Variants in U2SURP observed in about 807,000 individuals in gnomAD.
U2SURP encodes the protein U2 snRNP-associated SURP motif-containing protein.
A neutral mutation model predicts 144.9 loss-of-function variants in U2SURP; 9 were observed. The ratio of observed to expected loss-of-function variants is 0.06; its 90% CI spans 0.04 to 0.11. U2SURP has a LOEUF of 0.11. Among genes scored for constraint, U2SURP ranks in the 10% least tolerant of loss-of-function variants. U2SURP has a pLI of 1.00. For missense variants in U2SURP, 724 were observed against 1,226.7 expected (o/e 0.59, Z 6.12); for synonymous variants, 408 against 396.8 (o/e 1.03, Z -0.33).
chr3:143,010,748 C>A, intron 1 of U2SURP, 67 bp from the exon 2 acceptor site: 2 of 1,273,690 alleles, frequency 1.6e-6, no homozygotes, highest in Non-Finnish European at 2.2e-6. Context: ...GTTTGTATAA[C>A]ACGAGAGACA....
intron 26 of U2SURP, 29 bp downstream of exon 26, chr3:143,053,823 A>G (rs534990975): frequency 1.3e-6 from 2 of 1,526,666 alleles, no homozygotes; most frequent in East Asian, 2.3e-5. Context: ...TTAATTGCAT[A>G]TACTGGTTTC....
chr3:143,001,659 A>G lies in U2SURP; in HGVS notation c.31A>G (p.Lys11Glu). 2 of 1,614,004 alleles carry G rather than the reference A, an allele frequency of 1.2e-6. No individual in the cohort carries two copies. The highest frequency in any genetic ancestry group is 1.7e-6 in the Non-Finnish European group (2 of 1,179,874). The change falls in exon 1 of 28, where the codon AAG (lysine) becomes GAG (glutamate). Residue 11 changes from lysine (K) to glutamate (E), a missense_variant. This residue lies in a region of U2SURP where 127 missense variants were observed against 98.2 expected (regional missense o/e 1.29). Transcript: ENST00000473835. MADKTPGGSQ[K>E]ASSKTRSSDV... The stretch of plus-strand genomic sequence containing the variant: ...GGACAAAACGCCAGGCGGATCTCAG[A>G]AGGCCAGTTCAAAGGTAATTTCTGA...
chr3:143,052,542 A>C (rs189565388), intron 25 of U2SURP, among the ~76,000 whole-genome samples: 2 of 152,238 alleles, frequency 1.3e-5, no homozygotes, highest in Non-Finnish European at 2.9e-5. Context: ...GAGAGAAGGA[A>C]TATGGTCCTT....
intron 24 of U2SURP, among the ~76,000 whole-genome samples, chr3:143,046,091 T>C (rs1560202209): frequency 6.6e-6 from 1 of 152,014 alleles, no homozygotes; most frequent in East Asian, 1.9e-4. Flanking sequence ...TTCTATAGTA[T>C]ATATACTGTA....
rs959123091 is a variant in U2SURP, at chr3:143,028,282, A to G, written c.1380-58A>G. The G allele has an allele frequency of 6.7e-6, 10 of 1,493,046 alleles. No homozygotes were observed. The African/African-American group carries it at 1.3e-4, about 19-fold the overall frequency. The allele number at this position is 1,493,046 out of a possible 1,614,324, so 92.5% of individuals were successfully genotyped here. On this transcript the variant is annotated intron_variant, in intron 14 of 27. Transcript: ENST00000473835. ...AATATTTCTCATTTATTTATATTTA[A>G]TTGAAGATAGCTCTTTGTTAAAGAA...
chr3:143,027,603 T>C (rs1003520428), intron 14 of U2SURP, among the ~76,000 whole-genome samples: 1 of 152,224 alleles, frequency 6.6e-6, no homozygotes, highest in African/African-American at 2.4e-5. Context: ...ATCTGTATTA[T>C]AGCATGTATC....
chr3:143,036,506 T>C (rs901761502), intron 20 of U2SURP, among the ~76,000 whole-genome samples: 1 of 152,204 alleles, frequency 6.6e-6, no homozygotes, highest in African/African-American at 2.4e-5. Context: ...GTTTTTTTTC[T>C]TTTTTACCTC....
rs1204924877 is a variant in U2SURP, at chr3:143,047,051, C to T, written c.2544+3775C>T. On this transcript the variant is annotated intron_variant, in intron 24 of 27. Transcript: ENST00000473835. ...GGCGGCTGGCCAGGCGGGGGACTGACCCCCCCACCTCCCTCCCTGACGGGG... is the reference window on the plus strand; with the variant it reads ...GGCGGCTGGCCAGGCGGGGGACTGATCCCCCCACCTCCCTCCCTGACGGGG... Among the ~76,000 whole-genome samples the T allele has an allele frequency of 3.3e-4, 41 of 124,508 alleles. 1 individual carries two copies. In the South Asian group the frequency reaches 9.7e-3, roughly 30 times the overall value. The allele number at this position is 124,508 out of a possible 152,430, so 81.7% of individuals were successfully genotyped here.
At chr3:143,032,485 G>A (rs375076338) in intron 16 of U2SURP, among the ~76,000 whole-genome samples, 3 of 152,314 alleles carry the variant, frequency 2.0e-5, no homozygotes, top group African/African-American at 2.4e-5. Flanking sequence ...TCAGTATCAT[G>A]GGATGGTAAG....
intron 3 of U2SURP, among the ~76,000 whole-genome samples, chr3:143,012,812 A>G (rs1460973147): frequency 6.6e-6 from 1 of 152,134 alleles, no homozygotes; most frequent in Non-Finnish European, 1.5e-5. Context: ...ACAGAGAAGG[A>G]GCTTCTTCAC....
intron 26 of U2SURP, among the ~76,000 whole-genome samples, chr3:143,054,716 G>A (rs1184551327): frequency 6.6e-6 from 1 of 152,138 alleles, no homozygotes; most frequent in East Asian, 1.9e-4. Context: ...ACCTCTTATT[G>A]CAAAGAGAAA....
At chr3:143,002,233 C>A in intron 1 of U2SURP, 1 of 174,534 alleles carries the variant, frequency 5.7e-6, no homozygotes. Flanking sequence ...GCTGCATAGC[C>A]AAGGTTAATG....
intron 24 of U2SURP, among the ~76,000 whole-genome samples, chr3:143,045,938 C>T (rs145361079): frequency 6.4e-4 from 97 of 152,324 alleles, no homozygotes; most frequent in African/African-American, 2.3e-3. Flanking sequence ...GAGCTTTATC[C>T]CAGGGCTTTT....
intron 6 of U2SURP, 37 bp from the exon 7 acceptor site, chr3:143,019,932 C>T: frequency 8.0e-7 from 1 of 1,246,920 alleles, no homozygotes; most frequent in Non-Finnish European, 1.1e-6. Context: ...TTTGCTTATC[C>T]TTTTGTTTGA....
rs201090235 is a variant in U2SURP, at chr3:143,006,548, G to A, written c.46-4267G>A. The stretch of plus-strand genomic sequence containing the variant: ...AGGCGGGTGGATCACCTGAGGTCGG[G>A]AGTTCAAGACCAGCCTGACCAATAT... On this transcript the variant is annotated intron_variant, in intron 1 of 27. Coordinates refer to ENST00000473835, the MANE Select transcript of U2SURP (RefSeq NM_001080415.2). Among the ~76,000 whole-genome samples the A allele has an allele frequency of 7.2e-5, 11 of 152,306 alleles. No homozygotes were observed. In the East Asian group the frequency reaches 2.1e-3, roughly 29 times the overall value.
At position 143,033,318 on chromosome 3, in the gene U2SURP, C is replaced by G; in HGVS notation, c.1821C>G (p.Ala607=). The G allele has an allele frequency of 6.5e-7, 1 of 1,541,360 alleles. No individual in the cohort carries two copies. Among genetic ancestry groups the G allele is most frequent in the African/African-American group, 1.4e-5 (1 of 72,760 alleles). The change falls in exon 18 of 28, where the codon GCC becomes GCG. Residue 607 remains alanine (A), a synonymous_variant. Transcript: ENST00000473835. The stretch of plus-strand genomic sequence containing the variant: ...CTGATGTTTTGTACAACTCTTCAGC[C>G]AAAGTTGCTAATGCTTCATATTATA... ...LVSDVLYNSS[A]KVANASYYRK...
At chr3:143,016,046 A>T (rs1936358920) in intron 4 of U2SURP, among the ~76,000 whole-genome samples, 1 of 152,066 alleles carries the variant, frequency 6.6e-6, no homozygotes, top group Non-Finnish European at 1.5e-5. Flanking sequence ...GTTCTTTTCT[A>T]GTTCTGCAAA....
In U2SURP at chr3:143,001,623, C is replaced by T. The variant is rs749632638; in HGVS notation, c.-6C>T. On this transcript the variant is annotated 5_prime_UTR_variant, in exon 1 of 28. Transcript: ENST00000473835. ...TGCCGCCGCCGAAGGAGGGGCAAAG[C>T]TCAAGATGGCGGACAAAACGCCAGG... is the stretch of plus-strand genomic sequence containing the variant. The T allele has an allele frequency of 2.5e-6, 4 of 1,613,860 alleles. No homozygotes were observed. The South Asian group carries it at 4.4e-5, about 18-fold the overall frequency.
In U2SURP at chr3:143,028,388, G is replaced by A. The variant is rs80238215; in HGVS notation, c.1428G>A (p.Lys476=). Residue 476 remains lysine (K), a synonymous_variant, in exon 15 of 28, where the codon AAG becomes AAA. Coordinates refer to ENST00000473835, the MANE Select transcript of U2SURP (RefSeq NM_001080415.2). ...CAGCCCATGTTTACTATAGGTGGAA[G>A]CTTTATTCTATTCTGCAGGCAAGTA... The part of the protein sequence containing the change: ...QTPAHVYYRW[K]LYSILQGDSP... The A allele has an allele frequency of 1.1e-3, 1,855 of 1,613,054 alleles. 16 individuals are homozygous for A. The African/African-American group carries it at 0.022, about 19-fold the overall frequency.
Sources: gnomAD v4.1 joint callset for allele counts (sites outside exome capture counted in the v4.1 genomes callset) on GRCh38, gnomAD v4.1.1 for gene constraint, gnomAD v4.1.1 regional missense constraint, MANE v1.5 for transcripts, NCBI Gene and HGNC (gene_info 2026-07-23, HGNC 2026-07-21) for gene names.